ASB5: variants seen among roughly 807,000 people sequenced by gnomAD.
ASB5 encodes the protein ankyrin repeat and SOCS box protein 5.
A neutral mutation model predicts 42.1 loss-of-function variants in ASB5; 45 were observed. That is an observed-to-expected ratio of 1.07 (90% CI 0.84 to 1.37). The LOEUF (loss-of-function observed/expected upper bound fraction) is 1.37. Among genes scored for constraint, ASB5 ranks in the 40% most tolerant of loss-of-function variants. The pLI, the probability that ASB5 is intolerant of heterozygous loss-of-function variation, is 0.00. For synonymous variants in ASB5, 147 were observed against 150.6 expected, an observed-to-expected ratio of 0.98 and a Z score of 0.18; for missense variants, 402 against 399.8, an observed-to-expected ratio of 1.01 and a Z score of -0.05.
Position 176,269,084 on chromosome 4 carries a change from G to A in ASB5, c.25C>T (p.Pro9Ser). The change falls in exon 1 of 7, where the codon CCG becomes TCG. Residue 9 changes from proline (P) to serine (S), a missense_variant. Pro to Ser is a moderately conservative substitution (Grantham distance 74, BLOSUM62 -1). Transcript: ENST00000296525. ...ACATTGGATAATTGTTGAGCAAACGGCCGATTTTCTTCTAACACCGACATT... is the reference window on the plus strand; with the variant it reads ...ACATTGGATAATTGTTGAGCAAACGACCGATTTTCTTCTAACACCGACATT... MSVLEENR[P>S]FAQQLSNVYF... The A allele has an allele frequency of 6.2e-7, 1 of 1,610,172 alleles. No homozygotes were observed.
At chr4:176,276,144 T>C (rs6817370) in intron 1 of ASB5, among the ~76,000 whole-genome samples, 4 of 152,272 alleles carry the variant, frequency 2.6e-5, no homozygotes, top group South Asian at 4.1e-4. Flanking sequence ...AAGAGTTCCA[T>C]GATAAAAGTA....
intron 1 of ASB5, among the ~76,000 whole-genome samples, chr4:176,243,054 T>C (rs1463416100): frequency 1.3e-5 from 2 of 152,190 alleles, no homozygotes; most frequent in African/African-American, 4.8e-5. Context: ...AACATCAAAG[T>C]TGAAACTGTA....
chr4:176,234,713 G>A (rs953776964), intron 1 of ASB5, among the ~76,000 whole-genome samples: 2 of 152,150 alleles, frequency 1.3e-5, no homozygotes, highest in Admixed American at 1.3e-4. Flanking sequence ...ATGGAGCTTT[G>A]TAATGGGGTT....
At chr4:176,274,909 A>ATTTTTTTTT (rs35690692) in intron 2 of ASB5, among the ~76,000 whole-genome samples, 3 of 106,306 alleles carry the variant, frequency 2.8e-5, no homozygotes, top group Non-Finnish European at 1.9e-5. Context: ...CAGCATAGCA[A>ATTTTTTTTT]TTTTTTTTTT....
chr4:176,244,610 G>T (rs1466929336), intron 1 of ASB5, among the ~76,000 whole-genome samples: 4 of 152,162 alleles, frequency 2.6e-5, no homozygotes, highest in Middle Eastern at 3.4e-3. Context: ...ACAGTCACTT[G>T]AGTTAAGATG....
chr4:176,252,556 A>G (rs151049168), intron 1 of ASB5, among the ~76,000 whole-genome samples: 13 of 152,352 alleles, frequency 8.5e-5, no homozygotes, highest in African/African-American at 3.1e-4. Flanking sequence ...CAAGCTGGTA[A>G]TGATATTGAC....
chr4:176,260,542 T>C (rs1160381387), intron 1 of ASB5, among the ~76,000 whole-genome samples: 1 of 152,222 alleles, frequency 6.6e-6, no homozygotes, highest in Non-Finnish European at 1.5e-5. Context: ...GACATGATAT[T>C]CTTTGGGCAT....
At chr4:176,266,896 A>G (rs373572009) in intron 1 of ASB5, among the ~76,000 whole-genome samples, 2 of 152,210 alleles carry the variant, frequency 1.3e-5, no homozygotes, top group Non-Finnish European at 2.9e-5. Context: ...TCCTAAAAGT[A>G]TATGGGAATG....
chr4:176,258,363 T>C (rs1754195921), intron 1 of ASB5, among the ~76,000 whole-genome samples: 1 of 152,164 alleles, frequency 6.6e-6, no homozygotes, highest in African/African-American at 2.4e-5. Context: ...TTGTGCAATA[T>C]GCAAGGGGTT....
chr4:176,215,815 A>G, intron 6 of ASB5, 88 bp from the exon 7 acceptor site: 1 of 1,327,548 alleles, frequency 7.5e-7, no homozygotes, highest in Non-Finnish European at 1.0e-6. Context: ...CATAAAAACT[A>G]CAATGCTTTG....
At chr4:176,236,511 G>A (rs571094170) in intron 1 of ASB5, among the ~76,000 whole-genome samples, 33 of 152,184 alleles carry the variant, frequency 2.2e-4, no homozygotes, top group Non-Finnish European at 4.1e-4. Context: ...AAGGAAATGT[G>A]TATTGGGGTG....
chr4:176,215,792 C>T lies in ASB5; in HGVS notation c.863-65G>A. 2.7e-6 allele frequency: 4 copies of T among 1,475,878 alleles called. No homozygotes were observed. In the South Asian group the frequency reaches 5.1e-5, roughly 19 times the overall value. The allele number at this position is 1,475,878 out of a possible 1,614,324, so 91.4% of individuals were successfully genotyped here. On this transcript the variant is annotated intron_variant, in intron 6 of 6. Coordinates refer to ENST00000296525, the MANE Select transcript of ASB5 (RefSeq NM_080874.4). ...AATGAATTTTTTATGTTGTAAGGTACATAACATAAAACCATAAAAACTACA... is the reference window on the plus strand; with the variant it reads ...AATGAATTTTTTATGTTGTAAGGTATATAACATAAAACCATAAAAACTACA...
At chr4:176,252,248 T>TA (rs1754056265) in intron 1 of ASB5, among the ~76,000 whole-genome samples, 1 of 152,072 alleles carries the variant, frequency 6.6e-6, no homozygotes, top group East Asian at 1.9e-4. Flanking sequence ...TAGATTCAAC[T>TA]TCGGACAGTA....
upstream of ASB5, among the ~76,000 whole-genome samples, chr4:176,271,825 A>G (rs980379241): frequency 3.3e-5 from 5 of 152,196 alleles, no homozygotes; most frequent in African/African-American, 1.2e-4. Context: ...GAACAACACT[A>G]TTTGAACATA....
At chr4:176,274,361 G>GA (rs1255480287) in intron 2 of ASB5, among the ~76,000 whole-genome samples, 2 of 151,508 alleles carry the variant, frequency 1.3e-5, no homozygotes, top group East Asian at 1.9e-4. Flanking sequence ...CACTTGTACG[G>GA]AAAAAAAACC....
chr4:176,263,002 G>C (rs1754291528), intron 1 of ASB5, among the ~76,000 whole-genome samples: 1 of 152,176 alleles, frequency 6.6e-6, no homozygotes, highest in Non-Finnish European at 1.5e-5. Context: ...CCTCAATGTT[G>C]GAGGTGTATA....
chr4:176,268,631 A>C (rs1178344012), intron 1 of ASB5, among the ~76,000 whole-genome samples: 1 of 152,102 alleles, frequency 6.6e-6, no homozygotes, highest in Non-Finnish European at 1.5e-5. Flanking sequence ...AATGTTTCTT[A>C]ATAGGAATAG....
Position 176,225,869 on chromosome 4 carries a change from C to T in ASB5, c.197-528G>A, listed in dbSNP as rs557314834. Reference sequence around the variant, plus strand: ...TCTCCCAAAGTGCTGGGATTACAGGCGTGAGCCACTGCCCCCGGCTTACTA... The same window carrying T: ...TCTCCCAAAGTGCTGGGATTACAGGTGTGAGCCACTGCCCCCGGCTTACTA... On this transcript the variant is annotated intron_variant, in intron 1 of 6. Transcript: ENST00000296525. 5.3e-5 allele frequency among the ~76,000 whole-genome samples: 8 copies of T among 152,328 alleles called. No individual in the cohort carries two copies. In the South Asian group the frequency reaches 6.2e-4, roughly 12 times the overall value.
intron 5 of ASB5, among the ~76,000 whole-genome samples, chr4:176,218,462 T>C (rs1415323791): frequency 8.4e-6 from 1 of 118,560 alleles, no homozygotes; most frequent in African/African-American, 3.5e-5. Flanking sequence ...GTATGATATA[T>C]AAATATATAT....
Sources: allele counts gnomAD v4.1 joint callset (sites outside exome capture counted in the v4.1 genomes callset), GRCh38; gene constraint gnomAD v4.1.1; transcripts MANE v1.5; gene names NCBI Gene and HGNC (gene_info 2026-07-23, HGNC 2026-07-21).